Variants in SEMA3C observed in about 807,000 individuals in gnomAD.
SEMA3C encodes the protein semaphorin 3C, also known as semaphorin-3C.
A neutral mutation model predicts 89.4 loss-of-function variants in SEMA3C; 47 were observed. That is an observed-to-expected ratio of 0.53 (90% CI 0.42 to 0.67). The LOEUF (loss-of-function observed/expected upper bound fraction) is 0.67, where lower values mean the gene tolerates loss of function less well. SEMA3C is among the 30% of genes least tolerant of loss of function. SEMA3C has a pLI of 0.00. For synonymous variants in SEMA3C, 310 were observed against 320.2 expected (o/e 0.97, Z 0.34); for missense variants, 839 against 929.1 (o/e 0.90, Z 1.26).
At chr7:80,819,794 T>A (rs371545467) in intron 4 of SEMA3C, among the ~76,000 whole-genome samples, 13 of 152,300 alleles carry the variant, frequency 8.5e-5, no homozygotes, top group African/African-American at 3.1e-4. Context: ...TAGATGCAGA[T>A]CTCTGTGACC....
At chr7:80,790,287 AAAAAAAGGAAGAAGAAGAG>A (rs1352248636) in intron 11 of SEMA3C, among the ~76,000 whole-genome samples, 4 of 151,982 alleles carry the variant, frequency 2.6e-5, no homozygotes, top group Non-Finnish European at 4.4e-5. Flanking sequence ...CCACCTCTAT[AAAAAAAGGAAGAAGAAGAG>A]AAAAAAGGAG....
intron 12 of SEMA3C, among the ~76,000 whole-genome samples, chr7:80,782,491 G>A (rs1158167279): frequency 6.6e-6 from 1 of 152,110 alleles, no homozygotes; most frequent in Non-Finnish European, 1.5e-5. Flanking sequence ...AAATATAAAT[G>A]AAATGAACTT....
chr7:80,805,690 T>C lies in SEMA3C; in HGVS notation c.607A>G (p.Thr203Ala). The C allele has an allele frequency of 6.2e-7, 1 of 1,611,866 alleles. No homozygotes were observed. Among genetic ancestry groups the C allele is most frequent in the Non-Finnish European group, 8.5e-7 (1 of 1,178,526 alleles). ...TCAGTTCTGACCGCATTCCTCTTGG[T>C]TAAACTTCGAAAAATAGCAGCATCT... The part of the protein sequence containing the change: ...GTDAAIFRSL[T>A]KRNAVRTDQH... Residue 203 changes from threonine to alanine, a missense_variant, in exon 7 of 18, where the codon ACC (threonine) becomes GCC (alanine). By Grantham distance (58) the Thr-to-Ala change is moderately conservative. Transcript: ENST00000265361.
intron 2 of SEMA3C, among the ~76,000 whole-genome samples, chr7:80,886,035 T>G (rs1791467275): frequency 6.6e-6 from 1 of 152,220 alleles, no homozygotes; most frequent in Non-Finnish European, 1.5e-5. Flanking sequence ...ACAGCTGTGT[T>G]TTTTGTAAGA....
chr7:80,920,480 C>G, upstream of SEMA3C, among the ~76,000 whole-genome samples: 1 of 152,166 alleles, frequency 6.6e-6, no homozygotes, highest in East Asian at 1.9e-4. Flanking sequence ...AATGAAATCT[C>G]AGGTAGGAGG....
At chr7:80,918,387 A>C (rs1792328469) in intron 1 of SEMA3C, 1 of 152,214 alleles carries the variant, frequency 6.6e-6, no homozygotes, top group African/African-American at 2.4e-5. Flanking sequence ...GATAGTCTAC[A>C]GGGCAATTTG....
At chr7:80,758,010 G>GTGAT (rs1472246968) in intron 15 of SEMA3C, among the ~76,000 whole-genome samples, 1 of 151,928 alleles carries the variant, frequency 6.6e-6, no homozygotes, top group East Asian at 1.9e-4. Context: ...TATAAATTAG[G>GTGAT]TGATACAAAA....
At chr7:80,799,460 T>G (rs1789146142) in intron 10 of SEMA3C, among the ~76,000 whole-genome samples, 1 of 152,128 alleles carries the variant, frequency 6.6e-6, no homozygotes, top group South Asian at 2.1e-4. Context: ...TTTTTTATCT[T>G]GAAATACGTA....
At chr7:80,804,557 T>C (rs1789292533) in intron 7 of SEMA3C, among the ~76,000 whole-genome samples, 1 of 152,150 alleles carries the variant, frequency 6.6e-6, no homozygotes, top group Non-Finnish European at 1.5e-5. Flanking sequence ...AAAATATTTA[T>C]TTTTCAAAGT....
At chr7:80,885,102 A>G (rs1311760200) in intron 2 of SEMA3C, among the ~76,000 whole-genome samples, 1 of 152,232 alleles carries the variant, frequency 6.6e-6, no homozygotes, top group Non-Finnish European at 1.5e-5. Context: ...GAGACAAGAA[A>G]GACAATTCTT....
chr7:80,810,567 A>G lies in SEMA3C; in HGVS notation c.538+44T>C, dbSNP rs1238646407. 4 of 1,496,884 alleles carry G rather than the reference A, an allele frequency of 2.7e-6. No homozygotes were observed. In the Admixed American group the frequency reaches 5.1e-5, roughly 19 times the overall value. The allele number at this position is 1,496,884 out of a possible 1,614,324, so 92.7% of individuals were successfully genotyped here. A position where few individuals can be genotyped will look rare whatever the true frequency, so the allele number is the denominator to read the frequency against. Reference sequence around the variant, plus strand: ...GTATACCATGTCAAGCTAATTTTCCATGTTATTTTATGTTTAATCCTCCCT... The same window carrying G: ...GTATACCATGTCAAGCTAATTTTCCGTGTTATTTTATGTTTAATCCTCCCT... On this transcript the variant is annotated intron_variant, in intron 6 of 17. Coordinates refer to ENST00000265361, the MANE Select transcript of SEMA3C (RefSeq NM_006379.5).
At chr7:80,842,045 G>T (rs1790282054) in intron 2 of SEMA3C, among the ~76,000 whole-genome samples, 1 of 152,044 alleles carries the variant, frequency 6.6e-6, no homozygotes, top group Admixed American at 6.6e-5. Context: ...CTCTCCCTCT[G>T]ACACTGTCTA....
At chr7:80,778,225 A>G (rs1788596034) in intron 12 of SEMA3C, among the ~76,000 whole-genome samples, 1 of 152,222 alleles carries the variant, frequency 6.6e-6, no homozygotes, top group Non-Finnish European at 1.5e-5. Context: ...TAAAAATTAC[A>G]TATCACATTT....
At chr7:80,901,125 G>C (rs1791869477) in intron 2 of SEMA3C, among the ~76,000 whole-genome samples, 1 of 152,122 alleles carries the variant, frequency 6.6e-6, no homozygotes. Flanking sequence ...ATGAACTCCA[G>C]AAATGAATTG....
chr7:80,894,173 A>G, intron 2 of SEMA3C, among the ~76,000 whole-genome samples: 1 of 152,182 alleles, frequency 6.6e-6, no homozygotes, highest in South Asian at 2.1e-4. Context: ...GAATACTGTA[A>G]TTACAATTTT....
chr7:80,920,380 T>A (rs1462409569), upstream of SEMA3C, among the ~76,000 whole-genome samples: 1 of 152,174 alleles, frequency 6.6e-6, no homozygotes, highest in Non-Finnish European at 1.5e-5. Flanking sequence ...ACCTGACAAT[T>A]CACATAATGA....
At chr7:80,827,530 C>G in intron 3 of SEMA3C, 43 bp from the exon 4 acceptor site, 1 of 1,504,176 alleles carries the variant, frequency 6.6e-7, no homozygotes, top group Non-Finnish European at 9.0e-7. Context: ...CTCACCTGGA[C>G]ATATGACAGC....
At chr7:80,842,229 A>G (rs898146488) in intron 2 of SEMA3C, among the ~76,000 whole-genome samples, 3 of 152,118 alleles carry the variant, frequency 2.0e-5, no homozygotes, top group Admixed American at 6.6e-5. Flanking sequence ...TATCATATAC[A>G]CAATGGCTTT....
intron 2 of SEMA3C, among the ~76,000 whole-genome samples, chr7:80,840,542 AAG>A (rs1790240503): frequency 2.2e-5 from 3 of 134,886 alleles, no homozygotes; most frequent in Admixed American, 7.9e-5. Flanking sequence ...AAAAAAAAAA[AAG>A]AGCGAGAGAG....
Sources: allele counts gnomAD v4.1 joint callset (sites outside exome capture counted in the v4.1 genomes callset), GRCh38; gene constraint gnomAD v4.1.1; transcripts MANE v1.5; gene names NCBI Gene and HGNC (gene_info 2026-07-23, HGNC 2026-07-21).